PGAP1: variants seen among roughly 807,000 people sequenced by gnomAD.
PGAP1 encodes GPI inositol-deacylase.
Under a neutral mutation model 127.0 loss-of-function variants are expected in PGAP1, and 76 were observed. That is an observed-to-expected ratio of 0.60 (90% CI 0.50 to 0.72). The LOEUF is 0.72. Among genes scored for constraint, PGAP1 ranks in the 30% least tolerant of loss-of-function variants. PGAP1 has a pLI of 0.00. For synonymous variants in PGAP1, 362 were observed against 366.5 expected (o/e 0.99, Z 0.14); for missense variants, 982 against 1,071.3 (o/e 0.92, Z 1.16).
chr2:196,897,639 T>A (rs767042957), intron 6 of PGAP1, among the ~76,000 whole-genome samples: 3 of 152,150 alleles, frequency 2.0e-5, no homozygotes, highest in Non-Finnish European at 2.9e-5. Flanking sequence ...CCCTACTTGG[T>A]TTTCCATGTG....
chr2:196,892,137 G>A (rs534258744), intron 9 of PGAP1, among the ~76,000 whole-genome samples: 1 of 152,108 alleles, frequency 6.6e-6, no homozygotes, highest in African/African-American at 2.4e-5. Context: ...GGATCCTGAT[G>A]TAAACAAACT....
chr2:196,856,967 C>A (rs1208408982), intron 20 of PGAP1, among the ~76,000 whole-genome samples: 1 of 152,116 alleles, frequency 6.6e-6, no homozygotes, highest in Non-Finnish European at 1.5e-5. Context: ...TTTTGCCTCC[C>A]TGGTTAGCTA....
At chr2:196,898,213 G>A in intron 6 of PGAP1, 104 bp downstream of exon 6, 1 of 761,752 alleles carries the variant, frequency 1.3e-6, no homozygotes, top group Non-Finnish European at 2.2e-6. Flanking sequence ...GCGAGACTCT[G>A]TCTCAAAAAA....
In PGAP1 at chr2:196,872,557, G is replaced by A. The variant is rs1576131126; in HGVS notation, c.1620-8C>T. The A allele has an allele frequency of 6.3e-7, 1 of 1,576,478 alleles. No homozygotes were observed. Among genetic ancestry groups the A allele is most frequent in the South Asian group, 1.1e-5 (1 of 90,186 alleles). ...TCTGTGGAAGATGGAGCCCTGAAGAGATAACTTAAATATCAATTCTCAAAT... is the reference window on the plus strand; with the variant it reads ...TCTGTGGAAGATGGAGCCCTGAAGAAATAACTTAAATATCAATTCTCAAAT... On this transcript the variant is annotated splice_region_variant and splice_polypyrimidine_tract_variant and intron_variant, in intron 17 of 26. Coordinates refer to ENST00000354764, the MANE Select transcript of PGAP1 (RefSeq NM_024989.4).
intron 20 of PGAP1, among the ~76,000 whole-genome samples, chr2:196,852,905 T>A (rs1312923825): frequency 6.6e-6 from 1 of 152,306 alleles, no homozygotes; most frequent in East Asian, 1.9e-4. Flanking sequence ...AAAAAGTTGA[T>A]GAAGAGTGAC....
chr2:196,891,938 A>G (rs1050832633), intron 9 of PGAP1, among the ~76,000 whole-genome samples: 2 of 152,098 alleles, frequency 1.3e-5, no homozygotes, highest in Non-Finnish European at 2.9e-5. Flanking sequence ...CAGGCAAAGG[A>G]ACATGTTGAA....
chr2:196,886,055 A>T (rs563275134), intron 10 of PGAP1, among the ~76,000 whole-genome samples, 175 bp from the exon 11 acceptor site: 1 of 152,338 alleles, frequency 6.6e-6, no homozygotes, highest in Admixed American at 6.5e-5. Context: ...TCTCAAAGTC[A>T]AATAAATCAA....
intron 20 of PGAP1, among the ~76,000 whole-genome samples, chr2:196,864,673 T>G (rs909793126): frequency 6.6e-6 from 1 of 152,062 alleles, no homozygotes; most frequent in Non-Finnish European, 1.5e-5. Flanking sequence ...GACCACAAAT[T>G]TAAGGTCTCT....
chr2:196,853,734 T>C (rs1313479163), intron 20 of PGAP1, among the ~76,000 whole-genome samples: 4 of 152,152 alleles, frequency 2.6e-5, no homozygotes, highest in African/African-American at 4.8e-5. Context: ...TCTTAAAGCT[T>C]AGGATAACTG....
chr2:196,924,074 AG>A (rs1241345532), intron 1 of PGAP1, among the ~76,000 whole-genome samples: 1 of 152,254 alleles, frequency 6.6e-6, no homozygotes, highest in African/African-American at 2.4e-5. Flanking sequence ...TGGGAAAACC[AG>A]AGGTAGAAGA....
intron 17 of PGAP1, 82 bp from the exon 18 acceptor site, chr2:196,872,631 C>G: frequency 2.1e-6 from 2 of 948,202 alleles, no homozygotes. Flanking sequence ...CAGCACAATA[C>G]AACTGAATAA....
chr2:196,921,356 A>G (rs1176290262), intron 1 of PGAP1, among the ~76,000 whole-genome samples: 6 of 152,132 alleles, frequency 3.9e-5, no homozygotes, highest in Admixed American at 6.5e-5. Context: ...CCAAATACTC[A>G]AAATACAGAA....
chr2:196,845,862 G>C lies in PGAP1; in HGVS notation c.2286+20C>G, dbSNP rs377640676. The C allele has an allele frequency of 6.7e-4, 1,052 of 1,578,670 alleles. 1 individual carries two copies. Among genetic ancestry groups the C allele is most frequent in the Non-Finnish European group, 8.3e-4 (959 of 1,160,240 alleles). ...CCTAATACAAAGCTCAATCATTTTGGCTTTACTGATTTGACATACCTTAAA... is the reference window on the plus strand; with the variant it reads ...CCTAATACAAAGCTCAATCATTTTGCCTTTACTGATTTGACATACCTTAAA... On this transcript the variant is annotated intron_variant, in intron 23 of 26. Coordinates refer to ENST00000354764, the MANE Select transcript of PGAP1 (RefSeq NM_024989.4).
intron 21 of PGAP1, 157 bp from the exon 22 acceptor site, chr2:196,847,357 A>G (rs1490869505): frequency 1.8e-6 from 1 of 553,428 alleles, no homozygotes; most frequent in Non-Finnish European, 3.1e-6. Context: ...TTTGTATGGA[A>G]CAAGTCATTT....
rs369415817 is a variant in PGAP1, at chr2:196,906,716, G to T, written c.650-3974C>A. On this transcript the variant is annotated intron_variant, in intron 4 of 26. Coordinates refer to ENST00000354764, the MANE Select transcript of PGAP1 (RefSeq NM_024989.4). ...TGAAAACTTTGAAAAAAATTTAGAA[G>T]AATGTATAACTAGAATAACCAATAC... Among the ~76,000 whole-genome samples the T allele has an allele frequency of 1.0e-3, 35 of 33,600 alleles. 1 individual carries two copies. The East Asian group carries it at 0.028, about 27-fold the overall frequency. 22.0% of individuals were successfully genotyped at this position (33,600 alleles called of 152,430 possible). A position where few individuals can be genotyped will look rare whatever the true frequency, so the allele number is the denominator to read the frequency against.
chr2:196,920,324 A>G (rs1258612016), intron 1 of PGAP1, among the ~76,000 whole-genome samples, 174 bp from the exon 2 acceptor site: 1 of 152,166 alleles, frequency 6.6e-6, no homozygotes, highest in African/African-American at 2.4e-5. Flanking sequence ...ATTCATATAG[A>G]GAATCAGTCT....
chr2:196,841,404 AT>A, intron 26 of PGAP1, 32 bp from the exon 27 acceptor site: 1 of 1,571,678 alleles, frequency 6.4e-7, no homozygotes. Flanking sequence ...TACATTACTT[AT>A]GTGAACTACA....
intron 13 of PGAP1, among the ~76,000 whole-genome samples, chr2:196,876,461 C>T (rs547359395): frequency 6.6e-6 from 1 of 152,152 alleles, no homozygotes; most frequent in South Asian, 2.1e-4. Flanking sequence ...ACACTTGCAT[C>T]ATTATAATTT....
At chr2:196,888,519 T>C (rs1701991703) in intron 10 of PGAP1, among the ~76,000 whole-genome samples, 2 of 151,662 alleles carry the variant, frequency 1.3e-5, no homozygotes, top group Admixed American at 6.6e-5. Flanking sequence ...ACATAGGGGA[T>C]AGAAATACAT....
Sources: allele counts gnomAD v4.1 joint callset (sites outside exome capture counted in the v4.1 genomes callset), GRCh38; gene constraint gnomAD v4.1.1; transcripts MANE v1.5; gene names NCBI Gene and HGNC (gene_info 2026-07-23, HGNC 2026-07-21).